Variants in ARID4B observed in about 807,000 individuals in gnomAD.
ARID4B encodes AT-rich interaction domain 4B.
A neutral mutation model predicts 147.5 loss-of-function variants in ARID4B; 26 were observed. The observed-to-expected ratio is 0.18, with a 90% CI of 0.13 to 0.24. The LOEUF is 0.24. Among genes scored for constraint, ARID4B ranks in the 10% least tolerant of loss-of-function variants. The pLI is 1.00. For missense variants in ARID4B, 1,179 were observed against 1,511.5 expected (o/e 0.78, Z 3.65); for synonymous variants, 512 against 507.9 (o/e 1.01, Z -0.11).
At chr1:235,322,523 C>T (rs1308974991) in intron 2 of ARID4B, among the ~76,000 whole-genome samples, 3 of 152,298 alleles carry the variant, frequency 2.0e-5, no homozygotes, top group Non-Finnish European at 2.9e-5. Flanking sequence ...CAAAAGCCTT[C>T]GCACTCAGCT....
chr1:235,205,840 T>A (rs976960048), intron 17 of ARID4B, among the ~76,000 whole-genome samples: 1 of 151,842 alleles, frequency 6.6e-6, no homozygotes, highest in African/African-American at 2.4e-5. Flanking sequence ...AAAAGCACAA[T>A]GAGATAAACA....
At chr1:235,234,569 T>C (rs1041429112) in intron 8 of ARID4B, 77 bp from the exon 9 acceptor site, 3 of 1,026,534 alleles carry the variant, frequency 2.9e-6, no homozygotes, top group African/African-American at 3.3e-5. Flanking sequence ...TAAATCCTTT[T>C]AAAAAGTGTA....
At chr1:235,235,961 G>A (rs1572044797) in intron 8 of ARID4B, among the ~76,000 whole-genome samples, 1 of 144,522 alleles carries the variant, frequency 6.9e-6, no homozygotes, top group Non-Finnish European at 1.5e-5. Flanking sequence ...TTTTTTTTGA[G>A]ACAAGGTCTC....
chr1:235,267,280 A>C (rs1670665877), intron 2 of ARID4B, among the ~76,000 whole-genome samples: 2 of 152,194 alleles, frequency 1.3e-5, no homozygotes, highest in South Asian at 2.1e-4. Flanking sequence ...TCTGTCAAAA[A>C]ACAAAACAAA....
At chr1:235,222,741 G>A (rs1300114465) in intron 13 of ARID4B, among the ~76,000 whole-genome samples, 5 of 149,324 alleles carry the variant, frequency 3.3e-5, no homozygotes, top group African/African-American at 7.4e-5. Flanking sequence ...GCAGTCCAGC[G>A]GTGCAATCTT....
At chr1:235,266,727 T>C (rs1436731839) in intron 2 of ARID4B, among the ~76,000 whole-genome samples, 3 of 152,228 alleles carry the variant, frequency 2.0e-5, no homozygotes, top group Admixed American at 6.5e-5. Flanking sequence ...ATCTCTAATG[T>C]GTCTCTGGGC....
intron 17 of ARID4B, among the ~76,000 whole-genome samples, chr1:235,213,270 A>T (rs966016258): frequency 6.6e-6 from 1 of 152,162 alleles, no homozygotes; most frequent in Non-Finnish European, 1.5e-5. Flanking sequence ...GATACTAATA[A>T]ATTTCTGAGA....
Position 235,252,883 on chromosome 1 carries a change from T to C in ARID4B, c.275-74A>G. On this transcript the variant is annotated intron_variant, in intron 5 of 23. Coordinates refer to ENST00000264183, the MANE Select transcript of ARID4B (RefSeq NM_016374.6). ...TCAAAGAGATGACATGTATTACAAT[T>C]TTCTGAGTGCAAACAGATCTACTAT... is the stretch of plus-strand genomic sequence containing the variant. 2.4e-6 allele frequency: 3 copies of C among 1,236,964 alleles called. No individual in the cohort carries two copies. The South Asian group carries it at 4.1e-5, about 17-fold the overall frequency. 76.6% of individuals were successfully genotyped at this position (1,236,964 alleles called of 1,614,324 possible).
intron 17 of ARID4B, among the ~76,000 whole-genome samples, chr1:235,200,727 A>C (rs1204947704): frequency 1.3e-5 from 2 of 152,338 alleles, no homozygotes; most frequent in Admixed American, 1.3e-4. Context: ...AATACAGTAC[A>C]TTTAGTATAT....
intron 9 of ARID4B, 117 bp from the exon 10 acceptor site, chr1:235,231,306 CG>C (rs1161884190): frequency 3.4e-6 from 2 of 579,766 alleles, no homozygotes; most frequent in African/African-American, 3.9e-5. Flanking sequence ...GGAATGTTGA[CG>C]TTTACAATAA....
intron 2 of ARID4B, among the ~76,000 whole-genome samples, chr1:235,281,768 G>GT (rs1299515492): frequency 6.6e-6 from 1 of 152,132 alleles, no homozygotes; most frequent in African/African-American, 2.4e-5. Flanking sequence ...TTTAACAGTG[G>GT]TAAGAGGTAC....
chr1:235,251,548 AAAACAT>A (rs1227029782), intron 6 of ARID4B, among the ~76,000 whole-genome samples: 2 of 152,124 alleles, frequency 1.3e-5, no homozygotes, highest in African/African-American at 4.8e-5. Context: ...TTTCAAAACA[AAAACAT>A]AAAGTCTAAT....
At chr1:235,182,892 C>T in intron 19 of ARID4B, 99 bp from the exon 20 acceptor site, 1 of 1,209,572 alleles carries the variant, frequency 8.3e-7, no homozygotes, top group Non-Finnish European at 1.1e-6. Context: ...GTGTATACAG[C>T]CACCCGAGGT....
chr1:235,307,063 G>T (rs946077877), intron 2 of ARID4B, among the ~76,000 whole-genome samples: 2 of 152,148 alleles, frequency 1.3e-5, no homozygotes, highest in African/African-American at 4.8e-5. Flanking sequence ...GTGAGAGAAA[G>T]AACTTGTACC....
At chr1:235,316,358 A>C (rs1370335532) in intron 2 of ARID4B, among the ~76,000 whole-genome samples, 1 of 151,642 alleles carries the variant, frequency 6.6e-6, no homozygotes, top group Non-Finnish European at 1.5e-5. Flanking sequence ...AAATACAAAA[A>C]ATTAGCCAGG....
intron 2 of ARID4B, among the ~76,000 whole-genome samples, chr1:235,266,212 A>G (rs1254900415): frequency 6.6e-6 from 1 of 152,146 alleles, no homozygotes; most frequent in Non-Finnish European, 1.5e-5. Flanking sequence ...TTTGAGGTTA[A>G]TTTACTTTGG....
rs758011877 is a variant in ARID4B, at chr1:235,175,272, T to G, written c.3576A>C (p.Gly1192=). 1.9e-6 allele frequency: 3 copies of G among 1,614,198 alleles called. No homozygotes were observed. In the Admixed American group the frequency reaches 5.0e-5, roughly 27 times the overall value. Residue 1192 remains glycine (G), a synonymous_variant, in exon 22 of 24, where the codon GGA becomes GGC. Coordinates refer to ENST00000264183, the MANE Select transcript of ARID4B (RefSeq NM_016374.6). The part of the protein sequence containing the change: ...TKSPARTQSP[G]KCGKNGDKDP... ...CCTTATCACCATTCTTTCCACATTT[T>G]CCTGGAGACTGCGTCCTTGCGGGAG... is the stretch of plus-strand genomic sequence containing the variant.
chr1:235,260,785 A>AT (rs763106748), intron 2 of ARID4B, 33 bp from the exon 3 acceptor site: 3 of 1,435,828 alleles, frequency 2.1e-6, no homozygotes, highest in Non-Finnish European at 2.9e-6. Context: ...TTAGATTTAA[A>AT]CTCTCTAATT....
chr1:235,256,071 G>A (rs569878198), intron 4 of ARID4B, among the ~76,000 whole-genome samples: 58 of 151,484 alleles, frequency 3.8e-4, no homozygotes, highest in African/African-American at 1.4e-3. Context: ...CTACTCGGGA[G>A]GCTGAGCCAG....
Sources: allele counts gnomAD v4.1 joint callset (sites outside exome capture counted in the v4.1 genomes callset), GRCh38; gene constraint gnomAD v4.1.1; transcripts MANE v1.5; gene names NCBI Gene and HGNC (gene_info 2026-07-23, HGNC 2026-07-21).